Variants in SEM1 observed in about 807,000 individuals in gnomAD.
SEM1 encodes the protein 26S proteasome complex subunit SEM1.
In SEM1, 3 loss-of-function variants were observed where a neutral mutation model predicts 12.7. The ratio of observed to expected loss-of-function variants is 0.24; its 90% CI spans 0.11 to 0.61. The LOEUF (loss-of-function observed/expected upper bound fraction) is 0.61. SEM1 is among the 20% of genes least tolerant of loss of function. SEM1 has a pLI of 0.88. For synonymous variants in SEM1, 30 were observed against 27.8 expected (o/e 1.08, Z -0.25); for missense variants, 59 against 81.3 (o/e 0.73, Z 1.06).
At chr7:96,517,811 T>C (rs891770759) in intron 2 of SEM1, among the ~76,000 whole-genome samples, 3 of 152,176 alleles carry the variant, frequency 2.0e-5, no homozygotes, top group African/African-American at 7.2e-5. Context: ...TATGTTGAGA[T>C]AATAAGACTA....
At chr7:96,496,397 T>C, upstream of SEM1, 2 of 814,180 alleles carry the variant, frequency 2.5e-6, no homozygotes, top group Admixed American at 2.6e-5. Context: ...AAAGCCAAAC[T>C]TCACAAATGC....
intron 2 of SEM1, among the ~76,000 whole-genome samples, chr7:96,653,080 T>C (rs1027458133): frequency 1.1e-4 from 16 of 152,312 alleles, no homozygotes; most frequent in Middle Eastern, 3.4e-3. Context: ...CCATTTTACA[T>C]ATGTGCAAAA....
intron 2 of SEM1, among the ~76,000 whole-genome samples, chr7:96,560,181 T>G (rs1389130999): frequency 1.3e-5 from 2 of 152,202 alleles, no homozygotes; most frequent in African/African-American, 2.4e-5. Context: ...TTTATTTCCT[T>G]TGAATAAGTT....
intron 2 of SEM1, among the ~76,000 whole-genome samples, chr7:96,596,682 A>G (rs748454737): frequency 1.3e-5 from 2 of 152,168 alleles, no homozygotes; most frequent in African/African-American, 2.4e-5. Context: ...CTAGAAACAC[A>G]TGGAACACAC....
At chr7:96,694,941 A>G (rs746933243) in intron 1 of SEM1, 50 bp from the exon 2 acceptor site, 2 of 1,372,968 alleles carry the variant, frequency 1.5e-6, no homozygotes, top group Non-Finnish European at 2.1e-6. Flanking sequence ...CATTATTTCC[A>G]CAATTACAAA....
intron 2 of SEM1, among the ~76,000 whole-genome samples, chr7:96,611,808 G>A (rs1043146527): frequency 2.0e-5 from 3 of 152,138 alleles, no homozygotes; most frequent in African/African-American, 7.2e-5. Flanking sequence ...TCCATCCGGT[G>A]CTAGCTGGCC....
chr7:96,682,473 A>C (rs1171072850), intron 2 of SEM1, among the ~76,000 whole-genome samples: 1 of 152,100 alleles, frequency 6.6e-6, no homozygotes, highest in East Asian at 1.9e-4. Context: ...CGGTTTTCAA[A>C]GGGGATGCTT....
chr7:96,516,037 C>A (rs777008450), intron 2 of SEM1, among the ~76,000 whole-genome samples: 15 of 151,670 alleles, frequency 9.9e-5, no homozygotes, highest in East Asian at 1.9e-4. Context: ...ATACAAAAAT[C>A]TTTTTCTTTT....
chr7:96,491,735 G>T (rs935297333), intron 1 of SEM1, among the ~76,000 whole-genome samples: 3 of 152,178 alleles, frequency 2.0e-5, no homozygotes, highest in Non-Finnish European at 4.4e-5. Flanking sequence ...CTTCTTTGAA[G>T]TTATTCTCTG....
intron 2 of SEM1, among the ~76,000 whole-genome samples, chr7:96,593,306 C>T (rs1199356155): frequency 6.6e-6 from 1 of 152,220 alleles, no homozygotes; most frequent in Non-Finnish European, 1.5e-5. Flanking sequence ...AGAATATCTA[C>T]ACATACCCTA....
chr7:96,630,320 G>A (rs182857267), intron 2 of SEM1, among the ~76,000 whole-genome samples: 96 of 152,202 alleles, frequency 6.3e-4, no homozygotes, highest in African/African-American at 2.2e-3. Context: ...AGTGTGCTGC[G>A]GCTGAGCTGG....
chr7:96,665,036 C>G (rs371007348), intron 2 of SEM1, among the ~76,000 whole-genome samples: 18 of 152,150 alleles, frequency 1.2e-4, no homozygotes, highest in African/African-American at 4.3e-4. Context: ...CAATCCCACA[C>G]GTGTTCAGTG....
At position 96,612,784 on chromosome 7, in the gene SEM1, T is replaced by C. The variant is rs181015706; in HGVS notation, c.170+82014A>G. ...CCCAGTAGCTGGGACTACAGGCGCC[T>C]GCCACCACACCCGGCTAATTTTTTG... On this transcript the variant is annotated intron_variant and NMD_transcript_variant, in intron 2 of 3. Transcript: ENST00000466986. 3.6e-3 allele frequency among the ~76,000 whole-genome samples: 547 copies of C among 152,114 alleles called. 6 individuals are homozygous for C. The highest frequency in any genetic ancestry group is 0.012 in the African/African-American group (493 of 41,526).
At chr7:96,602,531 T>C (rs1044740386) in intron 2 of SEM1, among the ~76,000 whole-genome samples, 2 of 152,210 alleles carry the variant, frequency 1.3e-5, no homozygotes, top group Non-Finnish European at 2.9e-5. Context: ...TCCAAAGGCA[T>C]TCAAGTTTGC....
intron 2 of SEM1, among the ~76,000 whole-genome samples, chr7:96,558,760 A>G (rs535418640): frequency 6.6e-6 from 1 of 152,338 alleles, no homozygotes; most frequent in South Asian, 2.1e-4. Flanking sequence ...TCAGACCATG[A>G]TCTGCATGGC....
chr7:96,681,798 T>C (rs1243802050), intron 2 of SEM1, among the ~76,000 whole-genome samples: 1 of 152,178 alleles, frequency 6.6e-6, no homozygotes, highest in African/African-American at 2.4e-5. Context: ...CCTTGTAGTA[T>C]AGTTTGAAGC....
At chr7:96,683,245 A>T (rs1789668787) in intron 2 of SEM1, among the ~76,000 whole-genome samples, 1 of 152,080 alleles carries the variant, frequency 6.6e-6, no homozygotes, top group Non-Finnish European at 1.5e-5. Flanking sequence ...CACTTCTCAG[A>T]AGAAGACATT....
At chr7:96,500,430 A>T (rs1313768832), upstream of SEM1, among the ~76,000 whole-genome samples, 1 of 152,128 alleles carries the variant, frequency 6.6e-6, no homozygotes, top group Non-Finnish European at 1.5e-5. Context: ...CACGAATGTA[A>T]CTACCAAATA....
intron 2 of SEM1, among the ~76,000 whole-genome samples, chr7:96,547,809 C>G (rs1342541942): frequency 6.6e-6 from 1 of 152,120 alleles, no homozygotes; most frequent in African/African-American, 2.4e-5. Flanking sequence ...ACACAGGATT[C>G]TTGCTTACTC....
Sources: allele counts gnomAD v4.1 joint callset (sites outside exome capture counted in the v4.1 genomes callset), GRCh38; gene constraint gnomAD v4.1.1; transcripts MANE v1.5; gene names NCBI Gene and HGNC (gene_info 2026-07-23, HGNC 2026-07-21).